The following ULK4 variants were observed in gnomAD, a reference collection of about 807,000 sequenced individuals.
ULK4 encodes the protein unc-51 like kinase 4.
Under a neutral mutation model 160.6 loss-of-function variants are expected in ULK4, and 133 were observed. The ratio of observed to expected loss-of-function variants is 0.83; its 90% confidence interval spans 0.72 to 0.96. The LOEUF (loss-of-function observed/expected upper bound fraction) is 0.96. Ranked by LOEUF, ULK4 falls within the 40% of genes least tolerant of loss-of-function variation. The probability of loss-of-function intolerance (pLI) is 0.00; values close to 1 mark genes in which losing one functional copy is unlikely to be tolerated. For missense variants in ULK4, 1,580 were observed against 1,499.5 expected (o/e 1.05, Z -0.89); for synonymous variants, 534 against 539.8 (o/e 0.99, Z 0.15).
intron 25 of ULK4, among the ~76,000 whole-genome samples, chr3:41,710,431 C>T (rs971217218): frequency 6.6e-6 from 1 of 152,072 alleles, no homozygotes. Flanking sequence ...CCCTCCCCTG[C>T]CCCCAGCCAT....
At chr3:41,411,540 G>T (rs531088579) in intron 34 of ULK4, among the ~76,000 whole-genome samples, 3 of 151,466 alleles carry the variant, frequency 2.0e-5, no homozygotes, top group African/African-American at 7.3e-5. Flanking sequence ...TGATTCTCCT[G>T]CCTCAGCCTC....
chr3:41,634,931 G>A (rs576620949), intron 30 of ULK4, among the ~76,000 whole-genome samples: 13 of 152,134 alleles, frequency 8.5e-5, no homozygotes, highest in Non-Finnish European at 1.5e-4. Context: ...AAGAAACTGA[G>A]GGAGGAATCT....
intron 30 of ULK4, among the ~76,000 whole-genome samples, chr3:41,624,861 T>C (rs1266995309): frequency 1.3e-5 from 2 of 152,226 alleles, no homozygotes; most frequent in Non-Finnish European, 2.9e-5. Context: ...GTTGTTTCCG[T>C]ATCTTGTCTA....
At chr3:41,411,393 C>T (rs943215490) in intron 34 of ULK4, among the ~76,000 whole-genome samples, 1 of 151,482 alleles carries the variant, frequency 6.6e-6, no homozygotes, top group Non-Finnish European at 1.5e-5. Flanking sequence ...TCTCCACAAC[C>T]TCTTATCATA....
At chr3:41,537,354 T>C (rs907430011) in intron 32 of ULK4, among the ~76,000 whole-genome samples, 1 of 152,234 alleles carries the variant, frequency 6.6e-6, no homozygotes, top group Non-Finnish European at 1.5e-5. Flanking sequence ...GCATCTTCAA[T>C]GGTGTAATCC....
rs114667228 is a variant in ULK4 at position 41,900,209 on chromosome 3, G to A, written c.1287+516C>T. ...GAAGTACATTGTGAACTACAACTTC[G>A]CAAGCTCCCAGAATGTCTCCCCATC... On this transcript the variant is annotated intron_variant, in intron 13 of 36. Coordinates refer to ENST00000301831, the MANE Select transcript of ULK4 (RefSeq NM_017886.4). Among the ~76,000 whole-genome samples, 1,051 of 150,936 alleles carry A rather than the reference G, an allele frequency of 7.0e-3. 9 individuals are homozygous for A. The highest frequency in any genetic ancestry group is 0.025 in the African/African-American group (1,005 of 40,326).
chr3:41,727,067 A>C (rs1575613564), intron 22 of ULK4, among the ~76,000 whole-genome samples: 1 of 150,916 alleles, frequency 6.6e-6, no homozygotes, highest in East Asian at 1.9e-4. Context: ...ATCTGACCAC[A>C]ATTTTCTTAC....
chr3:41,433,689 T>C (rs1287988267), intron 34 of ULK4, among the ~76,000 whole-genome samples: 1 of 152,036 alleles, frequency 6.6e-6, no homozygotes, highest in African/African-American at 2.4e-5. Context: ...GCATCTCTAA[T>C]CCTAAAATCC....
chr3:41,659,815 A>T (rs1337209083), intron 30 of ULK4, among the ~76,000 whole-genome samples: 1 of 152,228 alleles, frequency 6.6e-6, no homozygotes, highest in Non-Finnish European at 1.5e-5. Context: ...GATTAGAAAC[A>T]AGTCTATCAA....
chr3:41,466,306 G>A lies in ULK4; in HGVS notation c.3227-3053C>T, dbSNP rs889480907. On this transcript the variant is annotated intron_variant, in intron 32 of 36. Transcript: ENST00000301831. ...CTACTGAGTCACTGATTCAGTAAAC[G>A]GAGATAGTAAGTATCTGTCTCTTTA... 6.6e-5 allele frequency among the ~76,000 whole-genome samples: 10 copies of A among 152,116 alleles called. No individual in the cohort carries two copies. In the East Asian group the frequency reaches 9.6e-4, roughly 15 times the overall value.
chr3:41,846,286 G>C (rs2042067633), intron 17 of ULK4, among the ~76,000 whole-genome samples: 1 of 151,972 alleles, frequency 6.6e-6, no homozygotes, highest in African/African-American at 2.4e-5. Flanking sequence ...TAAGAATAAA[G>C]AACAAATATA....
chr3:41,621,947 C>T (rs1301920927), intron 30 of ULK4, among the ~76,000 whole-genome samples: 2 of 151,822 alleles, frequency 1.3e-5, no homozygotes, highest in African/African-American at 2.4e-5. Context: ...ACAGAAAAGG[C>T]GAAGGGTATG....
At chr3:41,524,020 A>G (rs1226892819) in intron 32 of ULK4, among the ~76,000 whole-genome samples, 1 of 152,238 alleles carries the variant, frequency 6.6e-6, no homozygotes, top group Admixed American at 6.5e-5. Flanking sequence ...GAAAGAAGCT[A>G]GCCAAAAAAC....
intron 31 of ULK4, among the ~76,000 whole-genome samples, chr3:41,569,802 T>C (rs2087909037): frequency 6.6e-6 from 1 of 151,862 alleles, no homozygotes; most frequent in South Asian, 2.1e-4. Context: ...TTTTTTTGAG[T>C]TAGTCATTAT....
chr3:41,540,561 G>C (rs1216220352), intron 32 of ULK4, among the ~76,000 whole-genome samples: 1 of 152,184 alleles, frequency 6.6e-6, no homozygotes, highest in South Asian at 2.1e-4. Context: ...CCAGTAATGG[G>C]ATCGCTGGGT....
chr3:41,363,891 G>A (rs899468245), intron 35 of ULK4, among the ~76,000 whole-genome samples: 1 of 151,848 alleles, frequency 6.6e-6, no homozygotes, highest in African/African-American at 2.4e-5. Flanking sequence ...TCCAAGGAAG[G>A]GACAGAGTGA....
At chr3:41,306,135 G>A (rs1277887595) in intron 35 of ULK4, among the ~76,000 whole-genome samples, 2 of 124,910 alleles carry the variant, frequency 1.6e-5, no homozygotes, top group Non-Finnish European at 3.4e-5. Context: ...AGGTGGGGGG[G>A]GGGGGTCAGC....
intron 32 of ULK4, among the ~76,000 whole-genome samples, chr3:41,554,960 G>C (rs1197014720): frequency 6.6e-6 from 1 of 151,920 alleles, no homozygotes; most frequent in Non-Finnish European, 1.5e-5. Context: ...AATATATATG[G>C]AAAAGAAAAA....
At chr3:41,350,074 G>A (rs544386821) in intron 35 of ULK4, among the ~76,000 whole-genome samples, 46 of 152,010 alleles carry the variant, frequency 3.0e-4, no homozygotes, top group Admixed American at 2.0e-4. Flanking sequence ...ATTTATTCAC[G>A]AACAGACCTT....
Sources: allele counts gnomAD v4.1 joint callset (sites outside exome capture counted in the v4.1 genomes callset), GRCh38; gene constraint gnomAD v4.1.1; transcripts MANE v1.5; gene names NCBI Gene and HGNC (gene_info 2026-07-23, HGNC 2026-07-21).